ANKRD45: variants seen among roughly 807,000 people sequenced by gnomAD.
The protein encoded by ANKRD45 is ankyrin repeat domain-containing protein 45.
ANKRD45 carries 21 observed loss-of-function variants against 28.1 expected under a neutral mutation model. The observed-to-expected ratio is 0.75, with a 90% CI of 0.53 to 1.08. The LOEUF (loss-of-function observed/expected upper bound fraction) is 1.08, where lower values mean the gene tolerates loss of function less well. Among genes scored for constraint, ANKRD45 ranks in the 50% least tolerant of loss-of-function variants. The pLI is 0.00. For missense variants in ANKRD45, 261 were observed against 308.7 expected, an observed-to-expected ratio of 0.85 and a Z score of 1.16; for synonymous variants, 86 against 103.9, an observed-to-expected ratio of 0.83 and a Z score of 1.05.
At chr1:173,679,852 GCAAAA>G in the ANKRD45 span, among the ~76,000 whole-genome samples, 1 of 152,012 alleles carries the variant, frequency 6.6e-6, no homozygotes, top group African/African-American at 2.4e-5. Context: ...CAAGAAAAAA[GCAAAA>G]CAACCCCATC....
intron 3 of ANKRD45, among the ~76,000 whole-genome samples, chr1:173,645,017 A>G (rs1668863355): frequency 6.6e-6 from 1 of 151,888 alleles, no homozygotes; most frequent in African/African-American, 2.4e-5. Context: ...AAAATTATGG[A>G]ATGTGAATTT....
At chr1:173,614,677 C>T (rs1667381343) in intron 5 of ANKRD45, among the ~76,000 whole-genome samples, 1 of 152,162 alleles carries the variant, frequency 6.6e-6, no homozygotes, top group African/African-American at 2.4e-5. Flanking sequence ...TCCCAACACA[C>T]ATGTTCCCAG....
At chr1:173,664,457 G>T (rs1373353509) in intron 1 of ANKRD45, among the ~76,000 whole-genome samples, 1 of 152,164 alleles carries the variant, frequency 6.6e-6, no homozygotes, top group Admixed American at 6.6e-5. Flanking sequence ...AAGATACTGA[G>T]AAATTCCTAT....
the ANKRD45 span, among the ~76,000 whole-genome samples, chr1:173,695,315 A>C: frequency 6.6e-6 from 1 of 152,196 alleles, no homozygotes; most frequent in Non-Finnish European, 1.5e-5. Flanking sequence ...TAGTGAACAC[A>C]GTACCCAATA....
At chr1:173,610,299 T>A in intron 5 of ANKRD45, 84 bp from the exon 6 acceptor site, 2 of 1,294,052 alleles carry the variant, frequency 1.5e-6, no homozygotes, top group Non-Finnish European at 1.1e-6. Context: ...ACAATAAGAA[T>A]GGAATAAATT....
At chr1:173,662,477 A>G (rs1309766195) in intron 1 of ANKRD45, among the ~76,000 whole-genome samples, 2 of 152,206 alleles carry the variant, frequency 1.3e-5, no homozygotes, top group African/African-American at 4.8e-5. Context: ...ACTATTTAAA[A>G]GTAGGAGATT....
chr1:173,676,689 T>C, the ANKRD45 span, among the ~76,000 whole-genome samples: 2 of 151,908 alleles, frequency 1.3e-5, no homozygotes, highest in South Asian at 4.1e-4. Flanking sequence ...AGGGCAGCCA[T>C]AAAGATACAA....
the ANKRD45 span, among the ~76,000 whole-genome samples, chr1:173,679,013 G>T: frequency 2.2e-3 from 334 of 152,214 alleles, 3 homozygotes; most frequent in Non-Finnish European, 1.9e-3. Flanking sequence ...ACCTCTTCAA[G>T]GAGAACTACA....
upstream of ANKRD45, among the ~76,000 whole-genome samples, chr1:173,674,035 A>T (rs958614730): frequency 1.3e-5 from 2 of 151,838 alleles, no homozygotes; most frequent in African/African-American, 4.8e-5. Flanking sequence ...TAGATATAGC[A>T]TCTTACTCTG....
At chr1:173,701,657 C>T in the ANKRD45 span, among the ~76,000 whole-genome samples, 1,382 of 152,094 alleles carry the variant, frequency 9.1e-3, 17 homozygotes, top group African/African-American at 0.032. Context: ...CACCACACAC[C>T]GGGGCCTGTC....
intron 2 of ANKRD45, among the ~76,000 whole-genome samples, chr1:173,649,658 T>C (rs1400197489): frequency 6.6e-6 from 1 of 152,142 alleles, no homozygotes; most frequent in Admixed American, 6.5e-5. Context: ...TTTAGGTAGA[T>C]AGACAGATCT....
At chr1:173,618,404 A>G (rs1667557297) in intron 5 of ANKRD45, among the ~76,000 whole-genome samples, 1 of 152,196 alleles carries the variant, frequency 6.6e-6, no homozygotes, top group Non-Finnish European at 1.5e-5. Context: ...ATAAAACAAT[A>G]CAGGAGCTGA....
rs1281965104 is a variant in ANKRD45, at chr1:173,609,422, A to G, written c.*723T>C. 6.6e-6 allele frequency: 1 copy of G among 152,214 alleles called. No individual in the cohort carries two copies. The highest frequency in any genetic ancestry group is 6.5e-5 in the Admixed American group (1 of 15,282). 9.4% of individuals were successfully genotyped at this position (152,214 alleles called of 1,614,324 possible). A position where few individuals can be genotyped will look rare whatever the true frequency, so the allele number is the denominator to read the frequency against. On this transcript the variant is annotated 3_prime_UTR_variant, in exon 6 of 6. Coordinates refer to ENST00000333279, the MANE Select transcript of ANKRD45 (RefSeq NM_198493.3). ...GCGCCTGATTAAATAAATTAGAAAA[A>G]AGGCTTTCCAAACCACCAATATGAA... is the stretch of plus-strand genomic sequence containing the variant.
the ANKRD45 span, among the ~76,000 whole-genome samples, chr1:173,676,851 A>AC: frequency 6.6e-6 from 1 of 151,240 alleles, no homozygotes; most frequent in Non-Finnish European, 1.5e-5. Flanking sequence ...AAAAAAAAAA[A>AC]AAGAATTATA....
At chr1:173,610,800 A>AG (rs2102304359) in intron 5 of ANKRD45, among the ~76,000 whole-genome samples, 1 of 152,164 alleles carries the variant, frequency 6.6e-6, no homozygotes, top group East Asian at 1.9e-4. Context: ...CTAAAAAAAA[A>AG]ATTGTAATTG....
chr1:173,669,985 G>A (rs887329658), upstream of ANKRD45: 1 of 167,512 alleles, frequency 6.0e-6, no homozygotes, highest in African/African-American at 2.4e-5. Flanking sequence ...TTCAGTCTCT[G>A]GGTGGCGTGT....
upstream of ANKRD45, among the ~76,000 whole-genome samples, chr1:173,673,451 A>G (rs1342804728): frequency 6.6e-6 from 1 of 152,160 alleles, no homozygotes; most frequent in Non-Finnish European, 1.5e-5. Flanking sequence ...TGTCCGTTGT[A>G]CAATGTCAAT....
intron 3 of ANKRD45, among the ~76,000 whole-genome samples, chr1:173,645,635 A>T (rs1668884299): frequency 3.3e-5 from 5 of 152,220 alleles, no homozygotes; most frequent in Admixed American, 3.3e-4. Flanking sequence ...CTCAATCTCA[A>T]GAAGACATGT....
intron 5 of ANKRD45, among the ~76,000 whole-genome samples, chr1:173,614,275 A>AT (rs1340049068): frequency 0.013 from 1,996 of 151,228 alleles, 49 homozygotes; most frequent in African/African-American, 0.046. Context: ...TAAAAAAAAA[A>AT]AAATAAATAA....
Sources: gnomAD v4.1 joint callset for allele counts (sites outside exome capture counted in the v4.1 genomes callset) on GRCh38, gnomAD v4.1.1 for gene constraint, MANE v1.5 for transcripts, NCBI Gene and HGNC (gene_info 2026-07-23, HGNC 2026-07-21) for gene names.